PHC3: variants seen among roughly 807,000 people sequenced by gnomAD.
The protein encoded by PHC3 is polyhomeotic-like protein 3.
PHC3 carries 13 observed loss-of-function variants against 107.4 expected under a neutral mutation model. The observed-to-expected ratio is 0.12, with a 90% confidence interval of 0.08 to 0.19. The LOEUF is 0.19. PHC3 is among the 10% of genes least tolerant of loss of function. The pLI is 1.00. For missense variants in PHC3, 992 were observed against 1,210.9 expected (o/e 0.82, Z 2.68); for synonymous variants, 456 against 427.4 (o/e 1.07, Z -0.83).
intron 6 of PHC3, among the ~76,000 whole-genome samples, chr3:170,144,883 T>C (rs1291394369): frequency 1.3e-5 from 2 of 152,204 alleles, no homozygotes; most frequent in African/African-American, 4.8e-5. Flanking sequence ...TTTTTTTTAT[T>C]TTTAGTAAAG....
intron 6 of PHC3, among the ~76,000 whole-genome samples, chr3:170,142,746 C>A (rs1724309673): frequency 6.6e-6 from 1 of 151,910 alleles, no homozygotes; most frequent in Non-Finnish European, 1.5e-5. Context: ...TTACTGTATG[C>A]ACCTTGTAAA....
intron 4 of PHC3, 64 bp from the exon 5 acceptor site, chr3:170,149,308 C>T: frequency 1.3e-6 from 2 of 1,488,844 alleles, no homozygotes; most frequent in South Asian, 2.6e-5. Flanking sequence ...CTGAATTTCA[C>T]ACCGAGCTGC....
intron 4 of PHC3, among the ~76,000 whole-genome samples, chr3:170,166,765 A>G (rs560498297): frequency 2.0e-5 from 3 of 152,244 alleles, no homozygotes; most frequent in Non-Finnish European, 4.4e-5. Flanking sequence ...CCTAGGCTCA[A>G]GCAATTCTCC....
At position 170,097,963 on chromosome 3, in the gene PHC3, CA is replaced by C. The variant is rs1305704672; in HGVS notation, c.2834-580del. 6.6e-6 allele frequency among the ~76,000 whole-genome samples: 1 copy of C among 152,018 alleles called. No individual in the cohort carries two copies. The highest frequency in any genetic ancestry group is 1.5e-5 in the Non-Finnish European group (1 of 67,996). On this transcript the variant is annotated intron_variant, in intron 14 of 14. Transcript: ENST00000495893. This position sits in a 1 kb window ranked among gnomAD's most constrained non-coding sequence, Gnocchi z 4.1. ...ATCAAATTTCTCAAGACTGTATTAC[CA>C]ATCTATTGCAATGCTGCTGAAATGT...
chr3:170,138,245 G>A (rs1723446094), intron 6 of PHC3, among the ~76,000 whole-genome samples: 1 of 151,850 alleles, frequency 6.6e-6, no homozygotes, highest in Admixed American at 6.6e-5. Flanking sequence ...TATACTTCAG[G>A]CCAAACTTTT....
chr3:170,169,096 G>A (rs984776220), intron 4 of PHC3, among the ~76,000 whole-genome samples: 41 of 151,924 alleles, frequency 2.7e-4, no homozygotes, highest in African/African-American at 9.4e-4. Context: ...AGAGCATTTC[G>A]GGTTTTCATA....
chr3:170,134,449 CA>C (rs1722742763), intron 7 of PHC3, among the ~76,000 whole-genome samples: 1 of 152,084 alleles, frequency 6.6e-6, no homozygotes, highest in Admixed American at 6.6e-5. Context: ...CTCAGCCTCC[CA>C]AAGTGCTGGG....
chr3:170,146,292 T>A (rs1041641661), intron 5 of PHC3, among the ~76,000 whole-genome samples: 1 of 151,524 alleles, frequency 6.6e-6, no homozygotes, highest in African/African-American at 2.4e-5. Flanking sequence ...GGAGAATCAC[T>A]TGAACCCAGG....
intron 4 of PHC3, among the ~76,000 whole-genome samples, chr3:170,160,178 A>C (rs1295062241): frequency 6.6e-6 from 1 of 152,198 alleles, no homozygotes; most frequent in Non-Finnish European, 1.5e-5. Flanking sequence ...CTAACATAGA[A>C]TCCCACATAG....
chr3:170,148,863 T>C, intron 5 of PHC3: 1 of 444,228 alleles, frequency 2.3e-6, no homozygotes, highest in Non-Finnish European at 4.1e-6. Flanking sequence ...CTCTATTAGC[T>C]TCTCAATGTA....
intron 11 of PHC3, among the ~76,000 whole-genome samples, chr3:170,108,388 GAAC>G (rs779511464): frequency 6.6e-6 from 1 of 152,120 alleles, no homozygotes; most frequent in Non-Finnish European, 1.5e-5. Flanking sequence ...GAAGTAGCAA[GAAC>G]TACTAAAAAA....
In PHC3 at chr3:170,102,704, T is replaced by C. The variant is rs1715710247; in HGVS notation, c.2608A>G (p.Ile870Val). 1.2e-6 allele frequency: 2 copies of C among 1,613,808 alleles called. No individual in the cohort carries two copies. The highest frequency in any genetic ancestry group is 1.7e-5 in the Admixed American group (1 of 59,978). The change falls in exon 14 of 15, where the codon ATT becomes GTT. Residue 870 changes from isoleucine (I) to valine (V), a missense_variant. Ile to Val is a conservative substitution (Grantham distance 29). Coordinates refer to ENST00000495893, the MANE Select transcript of PHC3 (RefSeq NM_024947.4). The part of the protein sequence containing the change: ...AREHILRQLP[I>V]TYPSAEEDLA... ...TCTTCTTCTGCAGATGGATAAGTAA[T>C]TGGAAGCTGGAAAATGTAGTACAAG...
intron 9 of PHC3, among the ~76,000 whole-genome samples, chr3:170,121,192 G>C (rs1483109531): frequency 6.6e-6 from 1 of 152,054 alleles, no homozygotes; most frequent in Admixed American, 6.6e-5. Flanking sequence ...AAAACAAGCA[G>C]CAAGCCATGC....
intron 6 of PHC3, among the ~76,000 whole-genome samples, chr3:170,139,028 AAG>A (rs897258099): frequency 1.6e-4 from 24 of 152,316 alleles, no homozygotes; most frequent in African/African-American, 5.1e-4. Context: ...CTGGTTAGAA[AAG>A]AGTTTCTTCC....
chr3:170,144,158 TAAAAAA>T lies in PHC3; in HGVS notation c.672+1259_672+1264del, dbSNP rs60191414. ...AACATGGTGAAACCCTGTTTCTACTTAAAAAAAAAAAAAAAAAGAAAAAAGAAAAAA... is the reference window on the plus strand; with the variant it reads ...AACATGGTGAAACCCTGTTTCTACTTAAAAAAAAAAAGAAAAAAGAAAAAA... On this transcript the variant is annotated intron_variant, in intron 6 of 14. Coordinates refer to ENST00000495893, the MANE Select transcript of PHC3 (RefSeq NM_024947.4). Among the ~76,000 whole-genome samples the T allele has an allele frequency of 6.7e-5, 8 of 118,824 alleles. No individual in the cohort carries two copies. The East Asian group carries it at 1.4e-3, about 20-fold the overall frequency. The allele number at this position is 118,824 out of a possible 152,430, so 78.0% of individuals were successfully genotyped here.
chr3:170,159,765 A>C (rs2108662068), intron 4 of PHC3, among the ~76,000 whole-genome samples: 1 of 152,356 alleles, frequency 6.6e-6, no homozygotes, highest in South Asian at 2.1e-4. Context: ...CATATCTCAA[A>C]GATTCTGGAA....
At chr3:170,156,052 T>C (rs200448492) in intron 4 of PHC3, among the ~76,000 whole-genome samples, 1 of 152,214 alleles carries the variant, frequency 6.6e-6, no homozygotes, top group East Asian at 1.9e-4. Context: ...ATTGCCTCAT[T>C]ATTTAGTGGG....
intron 5 of PHC3, among the ~76,000 whole-genome samples, chr3:170,146,546 T>C (rs1305358386): frequency 6.8e-6 from 1 of 147,486 alleles, no homozygotes; most frequent in Non-Finnish European, 1.5e-5. Context: ...TTTTTTTTTT[T>C]TTTTTGGTGA....
Position 170,178,877 on chromosome 3 carries a change from T to A in PHC3, c.76A>T (p.Thr26Ser). 1 of 1,613,982 alleles carries A rather than the reference T, an allele frequency of 6.2e-7. No homozygotes were observed. Among genetic ancestry groups the A allele is most frequent in the Non-Finnish European group, 8.5e-7 (1 of 1,179,870 alleles). The stretch of plus-strand genomic sequence containing the variant: ...GTGGTGGTGGTACTGCTGGTTGTTG[T>A]TGACACAGAAGATGTTCCCGGGTTT... The part of the protein sequence containing the change: ...EPNPGTSSVS[T>S]TTSSTTTTTI... The change falls in exon 2 of 15, where the codon ACA becomes TCA. Residue 26 changes from threonine (T) to serine (S), a missense_variant. Physicochemically the swap from Thr to Ser is moderately conservative, Grantham distance 58. Around this residue, in one of 6 missense-constraint regions of PHC3, gnomAD observed 161 missense variants for 183.7 expected, o/e 0.88. Coordinates refer to ENST00000495893, the MANE Select transcript of PHC3 (RefSeq NM_024947.4).
Sources: allele counts gnomAD v4.1 joint callset (sites outside exome capture counted in the v4.1 genomes callset), GRCh38; gene constraint gnomAD v4.1.1; regional missense constraint gnomAD v4.1.1; non-coding constraint Gnocchi (gnomAD v3.1); transcripts MANE v1.5; gene names NCBI Gene and HGNC (gene_info 2026-07-23, HGNC 2026-07-21).